The following CHCHD6 variants were observed in gnomAD, a reference collection of about 807,000 sequenced individuals.
The protein encoded by CHCHD6 is MICOS complex subunit MIC25.
Under a neutral mutation model 32.3 loss-of-function variants are expected in CHCHD6, and 28 were observed. That is an observed-to-expected ratio of 0.87 (90% CI 0.64 to 1.19). CHCHD6 has a LOEUF of 1.19. Among genes scored for constraint, CHCHD6 ranks in the 50% most tolerant of loss-of-function variants. The probability of loss-of-function intolerance (pLI) is 0.00; values close to 1 mark genes in which losing one functional copy is unlikely to be tolerated. For synonymous variants in CHCHD6, 122 were observed against 117.5 expected, an observed-to-expected ratio of 1.04 and a Z score of -0.25; for missense variants, 333 against 307.0, an observed-to-expected ratio of 1.08 and a Z score of -0.63.
chr3:126,708,136 T>G (rs895205904), intron 1 of CHCHD6, among the ~76,000 whole-genome samples: 4 of 152,248 alleles, frequency 2.6e-5, no homozygotes, highest in African/African-American at 7.2e-5. Context: ...GACTGTGGCC[T>G]GAGCCAGCCC....
At chr3:126,901,224 G>C (rs898501675) in intron 5 of CHCHD6, among the ~76,000 whole-genome samples, 1 of 152,172 alleles carries the variant, frequency 6.6e-6, no homozygotes, top group Non-Finnish European at 1.5e-5. Context: ...GGAGACCCAG[G>C]GTGGTGTAGC....
intron 6 of CHCHD6, chr3:126,953,046 A>G (rs2078737354): frequency 3.0e-6 from 3 of 985,334 alleles, no homozygotes; most frequent in South Asian, 4.7e-5. Flanking sequence ...GTTACTGAGC[A>G]TGTTCTGACC....
chr3:126,896,939 C>T (rs1439790402), intron 5 of CHCHD6, among the ~76,000 whole-genome samples: 1 of 152,172 alleles, frequency 6.6e-6, no homozygotes, highest in Non-Finnish European at 1.5e-5. Context: ...CCTGTCCCAT[C>T]CTTTCAGTTT....
intron 5 of CHCHD6, among the ~76,000 whole-genome samples, chr3:126,912,795 G>A (rs956190001): frequency 1.3e-5 from 2 of 152,256 alleles, no homozygotes; most frequent in Admixed American, 6.5e-5. Flanking sequence ...AGGCCACGAT[G>A]CAGCAGGGGA....
chr3:126,815,383 G>A (rs753726370), intron 4 of CHCHD6, among the ~76,000 whole-genome samples: 2 of 152,094 alleles, frequency 1.3e-5, no homozygotes, highest in African/African-American at 2.4e-5. Context: ...GATCCACACC[G>A]CAGCATGGTC....
chr3:126,851,150 GGCCTGGTGT>G (rs1255371500), intron 4 of CHCHD6, among the ~76,000 whole-genome samples: 1 of 152,214 alleles, frequency 6.6e-6, no homozygotes, highest in Non-Finnish European at 1.5e-5. Flanking sequence ...CAAGCCCACT[GGCCTGGTGT>G]GGCCCTTTCA....
intron 1 of CHCHD6, among the ~76,000 whole-genome samples, chr3:126,714,393 C>T (rs1418571151): frequency 6.6e-6 from 1 of 152,128 alleles, no homozygotes; most frequent in Non-Finnish European, 1.5e-5. Flanking sequence ...TCTTGTTCTG[C>T]CTTTCTGGGA....
At chr3:126,796,019 G>A (rs1471178164) in intron 4 of CHCHD6, among the ~76,000 whole-genome samples, 1 of 152,096 alleles carries the variant, frequency 6.6e-6, no homozygotes, top group Non-Finnish European at 1.5e-5. Context: ...CCTGATTTTT[G>A]TCTACAGGTG....
intron 5 of CHCHD6, among the ~76,000 whole-genome samples, chr3:126,870,036 G>T (rs948711090): frequency 6.6e-6 from 1 of 152,182 alleles, no homozygotes; most frequent in Non-Finnish European, 1.5e-5. Flanking sequence ...GGTTGGAAAA[G>T]CATGGGCTTT....
intron 4 of CHCHD6, among the ~76,000 whole-genome samples, chr3:126,751,121 C>T (rs1253032556): frequency 6.6e-6 from 1 of 151,030 alleles, no homozygotes; most frequent in East Asian, 1.9e-4. Flanking sequence ...GTGTTCAGGC[C>T]TTGCCGGGCC....
At chr3:126,793,806 C>A (rs1938665697) in intron 4 of CHCHD6, among the ~76,000 whole-genome samples, 1 of 152,070 alleles carries the variant, frequency 6.6e-6, no homozygotes, top group Non-Finnish European at 1.5e-5. Context: ...AGATAGATTC[C>A]TTTCATTTTC....
chr3:126,721,390 C>T (rs953252477), intron 1 of CHCHD6, among the ~76,000 whole-genome samples: 1 of 152,206 alleles, frequency 6.6e-6, no homozygotes, highest in Non-Finnish European at 1.5e-5. Context: ...CTTCTGCAGA[C>T]ATCGCTGCCG....
intron 2 of CHCHD6, 152 bp from the exon 3 acceptor site, chr3:126,730,409 C>G: frequency 1.6e-6 from 1 of 608,742 alleles, no homozygotes; most frequent in Non-Finnish European, 2.9e-6. Context: ...CCTTGTCTGC[C>G]CCTGTGGACG....
intron 5 of CHCHD6, among the ~76,000 whole-genome samples, chr3:126,871,271 C>G (rs2077466376): frequency 6.6e-6 from 1 of 152,170 alleles, no homozygotes; most frequent in Admixed American, 6.5e-5. Flanking sequence ...TTTAAAAGCC[C>G]TTTCTTGGTC....
intron 5 of CHCHD6, among the ~76,000 whole-genome samples, chr3:126,900,554 AT>A (rs1304021624): frequency 4.6e-5 from 7 of 151,010 alleles, no homozygotes; most frequent in Non-Finnish European, 2.9e-5. Flanking sequence ...GGTGTCTCAC[AT>A]GGCTGGAGCA....
chr3:126,856,988 A>G (rs1384213513), intron 5 of CHCHD6, among the ~76,000 whole-genome samples: 1 of 152,204 alleles, frequency 6.6e-6, no homozygotes, highest in Non-Finnish European at 1.5e-5. Flanking sequence ...GTGTAAAGCA[A>G]CCATCAGAGT....
intron 5 of CHCHD6, among the ~76,000 whole-genome samples, chr3:126,877,034 C>G (rs988637446): frequency 6.6e-6 from 1 of 152,052 alleles, no homozygotes; most frequent in Non-Finnish European, 1.5e-5. Context: ...AATTAACAAC[C>G]ACTAATTGAG....
Position 126,704,276 on chromosome 3 carries a change from T to TCGGGTCTGGTGGCTGC in CHCHD6, c.-33_-18dup. 5 of 1,564,982 alleles carry TCGGGTCTGGTGGCTGC rather than the reference T, an allele frequency of 3.2e-6. No individual in the cohort carries two copies. The highest frequency in any genetic ancestry group is 4.4e-6 in the Non-Finnish European group (5 of 1,145,826). On this transcript the variant is annotated 5_prime_UTR_variant, in exon 1 of 8. Coordinates refer to ENST00000290913, the MANE Select transcript of CHCHD6 (RefSeq NM_032343.3). ...GGCCCGGTTGCTCTGGAGCCGGGTC[T>TCGGGTCTGGTGGCTGC]CGGGTCTGGTGGCTGCCGGCCCTGC...
intron 5 of CHCHD6, among the ~76,000 whole-genome samples, chr3:126,914,378 G>A (rs56183925): frequency 2.6e-5 from 4 of 152,236 alleles, no homozygotes; most frequent in Non-Finnish European, 5.9e-5. Flanking sequence ...GAGCGTGGCT[G>A]TGTGCCAGTA....
Sources: allele counts gnomAD v4.1 joint callset (sites outside exome capture counted in the v4.1 genomes callset), GRCh38; gene constraint gnomAD v4.1.1; transcripts MANE v1.5; gene names NCBI Gene and HGNC (gene_info 2026-07-23, HGNC 2026-07-21).